Variants in CACUL1 observed in about 807,000 individuals in gnomAD.
The protein encoded by CACUL1 is CDK2 associated cullin domain 1.
In CACUL1, 13 loss-of-function variants were observed where a neutral mutation model predicts 45.2. That is an observed-to-expected ratio of 0.29 (90% CI 0.19 to 0.46). The LOEUF is 0.46. CACUL1 is among the 20% of genes least tolerant of loss of function. CACUL1 has a pLI of 1.00. For synonymous variants in CACUL1, 197 were observed against 174.2 expected (o/e 1.13, Z -1.03); for missense variants, 421 against 471.4 (o/e 0.89, Z 0.99).
chr10:118,703,010 C>T (rs1358839080), intron 4 of CACUL1, among the ~76,000 whole-genome samples: 1 of 151,930 alleles, frequency 6.6e-6, no homozygotes, highest in Non-Finnish European at 1.5e-5. Context: ...TTTCAATTGC[C>T]CAGGCTGGTC....
chr10:118,752,672 T>C (rs1463761467), intron 1 of CACUL1, among the ~76,000 whole-genome samples: 1 of 152,242 alleles, frequency 6.6e-6, no homozygotes, highest in African/African-American at 2.4e-5. Context: ...TTTTCTATTT[T>C]CCAGTGCAAC....
Position 118,685,003 on chromosome 10 carries a change from A to G in CACUL1, c.*1125T>C, listed in dbSNP as rs1845190071. 6.6e-6 allele frequency: 1 copy of G among 152,258 alleles called. No homozygotes were observed. The highest frequency in any genetic ancestry group is 2.4e-5 in the African/African-American group (1 of 41,470). 9.4% of individuals were successfully genotyped at this position (152,258 alleles called of 1,614,324 possible). A position where few individuals can be genotyped will look rare whatever the true frequency, so the allele number is the denominator to read the frequency against. On this transcript the variant is annotated 3_prime_UTR_variant, in exon 9 of 9. Transcript: ENST00000369151. ...AGAAACAGAAATATAGCTTTGCCAC[A>G]GCTGGAAGGGAGCCTTAGGACAGCA...
rs1845686652 is a variant in CACUL1, at chr10:118,730,370, G to A, written c.408C>T (p.Tyr136=). 2.5e-6 allele frequency: 4 copies of A among 1,613,442 alleles called. No individual in the cohort carries two copies. Among genetic ancestry groups the A allele is most frequent in the Non-Finnish European group, 3.4e-6 (4 of 1,179,504 alleles). Residue 136 remains tyrosine (Y), a synonymous_variant, in exon 2 of 9, where the codon TAC becomes TAT. Coordinates refer to ENST00000369151, the MANE Select transcript of CACUL1 (RefSeq NM_153810.5). ...CTATGGCACCATCCAATTTTGGCCA[G>A]TATGTGCTCTTATAATCTTCAATAG... The part of the protein sequence containing the change: ...VITIEDYKST[Y]WPKLDGAIDQ...
intron 1 of CACUL1, among the ~76,000 whole-genome samples, chr10:118,748,307 A>C (rs540684572): frequency 6.6e-6 from 1 of 152,274 alleles, no homozygotes; most frequent in East Asian, 1.9e-4. Context: ...CGCTAGACAA[A>C]GAGCAGGCTT....
intron 1 of CACUL1, among the ~76,000 whole-genome samples, chr10:118,746,361 G>C (rs554010159): frequency 6.6e-6 from 1 of 152,250 alleles, no homozygotes; most frequent in African/African-American, 2.4e-5. Flanking sequence ...AGTAAGAAAA[G>C]GATAGTCTTT....
At chr10:118,748,796 G>A (rs758712926) in intron 1 of CACUL1, among the ~76,000 whole-genome samples, 2 of 152,134 alleles carry the variant, frequency 1.3e-5, no homozygotes, top group Non-Finnish European at 2.9e-5. Flanking sequence ...TACCTTTTAA[G>A]TATTAGTAGG....
chr10:118,748,973 G>A (rs544037497), intron 1 of CACUL1, among the ~76,000 whole-genome samples: 3 of 152,270 alleles, frequency 2.0e-5, no homozygotes, highest in African/African-American at 7.2e-5. Flanking sequence ...GAGGGAGGAA[G>A]CAGTCAGAAC....
chr10:118,694,141 A>T (rs772634080), intron 6 of CACUL1, among the ~76,000 whole-genome samples: 4 of 152,210 alleles, frequency 2.6e-5, no homozygotes, highest in Non-Finnish European at 5.9e-5. Flanking sequence ...TGGGGATCAC[A>T]GGTGTGAGCC....
chr10:118,711,564 C>G (rs78269482), intron 3 of CACUL1, among the ~76,000 whole-genome samples: 1 of 151,938 alleles, frequency 6.6e-6, no homozygotes, highest in Non-Finnish European at 1.5e-5. Context: ...AGAAGTATTA[C>G]GTGAAAAAAA....
At chr10:118,711,905 T>C (rs1251485564) in intron 3 of CACUL1, among the ~76,000 whole-genome samples, 1 of 150,572 alleles carries the variant, frequency 6.6e-6, no homozygotes, top group Non-Finnish European at 1.5e-5. Context: ...CCTAGAAATG[T>C]CATTTAAGAA....
At chr10:118,687,729 G>T (rs1383483067) in intron 7 of CACUL1, among the ~76,000 whole-genome samples, 1 of 152,168 alleles carries the variant, frequency 6.6e-6, no homozygotes, top group Non-Finnish European at 1.5e-5. Flanking sequence ...CTCTGCCTCT[G>T]TTCACTATAA....
chr10:118,689,164 T>C (rs1845236834), intron 7 of CACUL1, among the ~76,000 whole-genome samples: 1 of 152,212 alleles, frequency 6.6e-6, no homozygotes, highest in African/African-American at 2.4e-5. Flanking sequence ...TCTTCTAAAA[T>C]ATTATTCCTA....
intron 1 of CACUL1, among the ~76,000 whole-genome samples, chr10:118,732,957 C>CGA (rs1324193318): frequency 6.6e-6 from 1 of 152,094 alleles, no homozygotes; most frequent in Non-Finnish European, 1.5e-5. Context: ...CTCTCTACAC[C>CGA]GAAAGTTGAG....
chr10:118,752,238 C>T (rs924315676), intron 1 of CACUL1, among the ~76,000 whole-genome samples: 7 of 152,088 alleles, frequency 4.6e-5, no homozygotes, highest in South Asian at 2.1e-4. Flanking sequence ...TATCTTGTTA[C>T]GGATCTTAAA....
At chr10:118,705,366 C>T (rs1845423416) in intron 4 of CACUL1, among the ~76,000 whole-genome samples, 1 of 152,100 alleles carries the variant, frequency 6.6e-6, no homozygotes, top group Non-Finnish European at 1.5e-5. Flanking sequence ...CTGTTTAACT[C>T]CCAAAATAAA....
Position 118,754,622 on chromosome 10 carries a change from G to A in CACUL1, c.141C>T (p.Ala47=). 1 of 1,608,178 alleles carries A rather than the reference G, an allele frequency of 6.2e-7. No individual in the cohort carries two copies. The highest frequency in any genetic ancestry group is 8.5e-7 in the Non-Finnish European group (1 of 1,177,614). ...PPPPPPSSIP[A]PAREPPGGQL... is the part of the protein sequence containing the mutation. ...GCCCCCCCGGAGGCTCTCGGGCAGG[G>A]GCCGGGATCGACGAGGGGGGCGGCG... Residue 47 remains alanine (A), a synonymous_variant, in exon 1 of 9, where the codon GCC becomes GCT. Transcript: ENST00000369151.
chr10:118,729,190 A>G (rs536813884), intron 3 of CACUL1, 105 bp downstream of exon 3: 1 of 703,196 alleles, frequency 1.4e-6, no homozygotes, highest in African/African-American at 1.8e-5. Flanking sequence ...TTATAAATTT[A>G]TATCATAATC....
chr10:118,732,778 T>C (rs1845709411), intron 1 of CACUL1, among the ~76,000 whole-genome samples: 2 of 152,120 alleles, frequency 1.3e-5, no homozygotes, highest in African/African-American at 4.8e-5. Context: ...AGGGTCACCG[T>C]CTTGCTCTTG....
rs888874605 is a variant in CACUL1, at chr10:118,682,782, T to A, written c.*3346A>T. 1 of 152,670 alleles carries A rather than the reference T, an allele frequency of 6.6e-6. No individual in the cohort carries two copies. The highest frequency in any genetic ancestry group is 1.5e-5 in the Non-Finnish European group (1 of 68,052). 9.5% of individuals were successfully genotyped at this position (152,670 alleles called of 1,614,324 possible). On this transcript the variant is annotated 3_prime_UTR_variant, in exon 9 of 9. Transcript: ENST00000369151. ...GTGAGCACTGGAGATGGATGTGCAG[T>A]GTGCAGTGTTCACAGCCATGGACAT...
Sources: gnomAD v4.1 joint callset for allele counts (sites outside exome capture counted in the v4.1 genomes callset) on GRCh38, gnomAD v4.1.1 for gene constraint, MANE v1.5 for transcripts, NCBI Gene and HGNC (gene_info 2026-07-23, HGNC 2026-07-21) for gene names.